The following MYO18B variants were observed in gnomAD, a reference collection of about 807,000 sequenced individuals.
MYO18B encodes the protein unconventional myosin-XVIIIb.
A neutral mutation model predicts 273.0 loss-of-function variants in MYO18B; 204 were observed. The ratio of observed to expected loss-of-function variants is 0.75; its 90% CI spans 0.67 to 0.84. The LOEUF (loss-of-function observed/expected upper bound fraction) is 0.84. Among genes scored for constraint, MYO18B ranks in the 40% least tolerant of loss-of-function variants. The pLI is 0.00. For synonymous variants in MYO18B, 1,330 were observed against 1,305.7 expected, an observed-to-expected ratio of 1.02 and a Z score of -0.40; for missense variants, 3,212 against 3,287.6, an observed-to-expected ratio of 0.98 and a Z score of 0.56.
intron 12 of MYO18B, among the ~76,000 whole-genome samples, chr22:25,799,155 G>GTGTGTGTGTA (rs921506399): frequency 9.2e-5 from 14 of 151,694 alleles, no homozygotes; most frequent in Non-Finnish European, 2.1e-4. Context: ...GTGTGTGTGT[G>GTGTGTGTGTA]TGTGTGCTTG....
chr22:25,833,322 GC>G (rs1340039501), intron 16 of MYO18B, among the ~76,000 whole-genome samples: 1 of 152,190 alleles, frequency 6.6e-6, no homozygotes, highest in Admixed American at 6.5e-5. Context: ...ATGGCCAGAG[GC>G]CACCAGCCAC....
intron 39 of MYO18B, among the ~76,000 whole-genome samples, chr22:25,970,211 CTG>C (rs2093022810): frequency 6.6e-6 from 1 of 152,142 alleles, no homozygotes; most frequent in Non-Finnish European, 1.5e-5. Context: ...ACTCTCATCA[CTG>C]TGACCACCGC....
intron 42 of MYO18B, among the ~76,000 whole-genome samples, chr22:26,012,823 C>G (rs767848264): frequency 1.3e-5 from 2 of 152,110 alleles, no homozygotes; most frequent in South Asian, 4.1e-4. Context: ...GGTTTTGTTA[C>G]GCAAATTTAC....
chr22:25,954,623 G>A (rs908101674), intron 38 of MYO18B, among the ~76,000 whole-genome samples: 1 of 152,156 alleles, frequency 6.6e-6, no homozygotes, highest in Admixed American at 6.5e-5. Context: ...CCAGGGAGAG[G>A]TAGAGGTGGG....
the MYO18B span, among the ~76,000 whole-genome samples, chr22:26,056,890 G>A: frequency 1.3e-5 from 2 of 152,178 alleles, no homozygotes; most frequent in African/African-American, 4.8e-5. Flanking sequence ...GAACGTGCCT[G>A]CCTTTTCCTA....
At chr22:25,823,970 G>A (rs550645298) in intron 13 of MYO18B, among the ~76,000 whole-genome samples, 18 of 152,282 alleles carry the variant, frequency 1.2e-4, no homozygotes, top group African/African-American at 4.1e-4. Flanking sequence ...CATTTCCATC[G>A]GATTTCGTGT....
At chr22:25,867,921 G>A (rs539258888) in intron 21 of MYO18B, among the ~76,000 whole-genome samples, 15 of 152,270 alleles carry the variant, frequency 9.9e-5, no homozygotes, top group Non-Finnish European at 2.2e-4. Flanking sequence ...GTGAGCCACC[G>A]CGCCCGGCCA....
chr22:25,877,711 G>T (rs994894992), intron 24 of MYO18B, among the ~76,000 whole-genome samples: 1 of 151,982 alleles, frequency 6.6e-6, no homozygotes, highest in Non-Finnish European at 1.5e-5. Flanking sequence ...CAGGTGATCC[G>T]CCCGCCTCAG....
At chr22:25,885,636 G>T (rs529504875) in intron 25 of MYO18B, among the ~76,000 whole-genome samples, 1 of 152,126 alleles carries the variant, frequency 6.6e-6, no homozygotes, top group Non-Finnish European at 1.5e-5. Flanking sequence ...ATCGCAGGGG[G>T]TCAGGAGAAT....
chr22:26,006,480 A>C (rs1334253832), intron 42 of MYO18B: 1 of 316,718 alleles, frequency 3.2e-6, no homozygotes, highest in African/African-American at 2.2e-5. Flanking sequence ...TTCCAAATTC[A>C]CTGAATTCTC....
At chr22:26,026,334 A>AT in intron 42 of MYO18B, 111 bp from the exon 43 acceptor site, 1 of 1,248,072 alleles carries the variant, frequency 8.0e-7, no homozygotes, top group Non-Finnish European at 1.1e-6. Context: ...TAGGGATGGT[A>AT]TTTCCAAAGA....
At chr22:25,989,050 GTCTC>G (rs1348762369) in intron 39 of MYO18B, among the ~76,000 whole-genome samples, 3 of 152,118 alleles carry the variant, frequency 2.0e-5, no homozygotes, top group East Asian at 3.8e-4. Flanking sequence ...GCCTCTTTCT[GTCTC>G]TCTCCTCTAC....
rs538084261 is a variant in MYO18B at position 25,755,218 on chromosome 22, T to A, written c.-109-5766T>A. ...TTTAAATTAAATTTTATTTTATTTT[T>A]TTTTTGAGACAGAGTTTCACTCTTG... On this transcript the variant is annotated intron_variant, in intron 1 of 43. Coordinates refer to ENST00000335473, the MANE Select transcript of MYO18B (RefSeq NM_032608.7). Among the ~76,000 whole-genome samples, 4 of 152,264 alleles carry A rather than the reference T, an allele frequency of 2.6e-5. No individual in the cohort carries two copies. In the East Asian group the frequency reaches 5.8e-4, roughly 22 times the overall value.
intron 10 of MYO18B, among the ~76,000 whole-genome samples, chr22:25,784,524 C>T (rs559913430): frequency 2.6e-5 from 4 of 152,318 alleles, no homozygotes; most frequent in African/African-American, 4.8e-5. Context: ...TTCAAAGTCA[C>T]GAGGCAGAGA....
At chr22:25,977,876 T>G (rs780231422) in intron 39 of MYO18B, among the ~76,000 whole-genome samples, 4 of 152,178 alleles carry the variant, frequency 2.6e-5, no homozygotes, top group Non-Finnish European at 5.9e-5. Flanking sequence ...ATGAGAAAAC[T>G]GAGGGTCAAG....
chr22:25,829,662 A>G (rs1328484376), intron 15 of MYO18B, among the ~76,000 whole-genome samples: 6 of 152,078 alleles, frequency 3.9e-5, no homozygotes, highest in Non-Finnish European at 5.9e-5. Context: ...AACGTGGCAA[A>G]CCCCATCTCT....
intron 21 of MYO18B, among the ~76,000 whole-genome samples, chr22:25,861,866 A>G (rs1204245594): frequency 6.6e-6 from 1 of 152,172 alleles, no homozygotes; most frequent in Non-Finnish European, 1.5e-5. Context: ...AAAATATAGA[A>G]CCTTTGCTCC....
intron 1 of MYO18B, among the ~76,000 whole-genome samples, chr22:25,743,613 G>A (rs2085692438): frequency 6.6e-6 from 1 of 152,104 alleles, no homozygotes; most frequent in South Asian, 2.1e-4. Flanking sequence ...GGGAGGAGAA[G>A]GAGGAAGAGG....
At chr22:26,042,982 C>T in the MYO18B span, among the ~76,000 whole-genome samples, 5 of 152,180 alleles carry the variant, frequency 3.3e-5, no homozygotes, top group Non-Finnish European at 7.3e-5. Flanking sequence ...GTTGCTCAGT[C>T]TGTTTGGATG....
Sources: allele counts gnomAD v4.1 joint callset (sites outside exome capture counted in the v4.1 genomes callset), GRCh38; gene constraint gnomAD v4.1.1; transcripts MANE v1.5; gene names NCBI Gene and HGNC (gene_info 2026-07-23, HGNC 2026-07-21).